PCBP3: variants seen among roughly 807,000 people sequenced by gnomAD.
PCBP3 encodes poly(rC)-binding protein 3.
A neutral mutation model predicts 52.7 loss-of-function variants in PCBP3; 25 were observed. The observed-to-expected ratio is 0.47, with a 90% CI of 0.35 to 0.66. The LOEUF (loss-of-function observed/expected upper bound fraction) is 0.66, where lower values mean the gene tolerates loss of function less well. Among genes scored for constraint, PCBP3 ranks in the 30% least tolerant of loss-of-function variants. PCBP3 has a pLI of 0.01. For missense variants in PCBP3, 391 were observed against 490.3 expected, an observed-to-expected ratio of 0.80 and a Z score of 1.91; for synonymous variants, 162 against 183.0, an observed-to-expected ratio of 0.89 and a Z score of 0.93.
chr21:45,811,381 T>G (rs1603440454), intron 4 of PCBP3, among the ~76,000 whole-genome samples: 1 of 152,384 alleles, frequency 6.6e-6, no homozygotes, highest in East Asian at 1.9e-4. Flanking sequence ...CATCTGCTCC[T>G]GAGTCCTCCT....
rs145539304 is a variant in PCBP3 at position 45,823,518 on chromosome 21, C to T, written c.-125-26443C>T. Among the ~76,000 whole-genome samples the T allele has an allele frequency of 2.0e-3, 300 of 152,162 alleles. 2 individuals are homozygous for T. The highest frequency in any genetic ancestry group is 7.1e-3 in the African/African-American group (295 of 41,502). On this transcript the variant is annotated intron_variant, in intron 4 of 17. Transcript: ENST00000681687. ...CATGTCCCGCAGAACCACGCGTGTC[C>T]GTTCTTCTGAGAGTTTTTTCCTGGT...
At chr21:45,727,813 G>T (rs891999508) in intron 2 of PCBP3, among the ~76,000 whole-genome samples, 12 of 152,192 alleles carry the variant, frequency 7.9e-5, no homozygotes, top group African/African-American at 2.9e-4. Context: ...CGCTGGGAGG[G>T]CAGTCCCTCC....
At chr21:45,835,475 C>T (rs886828920) in intron 4 of PCBP3, among the ~76,000 whole-genome samples, 2 of 152,212 alleles carry the variant, frequency 1.3e-5, no homozygotes, top group African/African-American at 4.8e-5. Flanking sequence ...TGGCCGCAGC[C>T]GGCACTGACC....
At chr21:45,923,658 A>T (rs759517083) in intron 13 of PCBP3, among the ~76,000 whole-genome samples, 23 of 152,254 alleles carry the variant, frequency 1.5e-4, no homozygotes, top group Admixed American at 2.6e-4. Flanking sequence ...AGCCCAGGGG[A>T]GACATGGAAT....
intron 5 of PCBP3, among the ~76,000 whole-genome samples, chr21:45,894,796 T>C (rs1314245730): frequency 6.6e-6 from 1 of 152,278 alleles, no homozygotes; most frequent in Admixed American, 6.5e-5. Context: ...AGCATTCTTA[T>C]GCAAGGGTGA....
At chr21:45,907,819 G>A (rs2096246323) in intron 9 of PCBP3, among the ~76,000 whole-genome samples, 1 of 151,514 alleles carries the variant, frequency 6.6e-6, no homozygotes, top group African/African-American at 2.4e-5. Flanking sequence ...AAAAGATAGA[G>A]GTAGAGTCGA....
In PCBP3 at chr21:45,736,564, C is replaced by T. The variant is rs1195556812; in HGVS notation, c.-162+1135C>T. On this transcript the variant is annotated intron_variant, in intron 3 of 17. Transcript: ENST00000681687. This position sits in a 1 kb window ranked among gnomAD's most constrained non-coding sequence, Gnocchi z 4.6. ...GGCATGGGGAGTTGGCAGGGGGAGGCCCTCGGAGAGATGGCATGGGGAGTT... is the reference window on the plus strand; with the variant it reads ...GGCATGGGGAGTTGGCAGGGGGAGGTCCTCGGAGAGATGGCATGGGGAGTT... Among the ~76,000 whole-genome samples, 2 of 151,550 alleles carry T rather than the reference C, an allele frequency of 1.3e-5. No individual in the cohort carries two copies. Among genetic ancestry groups the T allele is most frequent in the East Asian group, 3.9e-4 (2 of 5,156 alleles).
At chr21:45,786,477 G>A (rs1487643367) in intron 4 of PCBP3, among the ~76,000 whole-genome samples, 1 of 152,038 alleles carries the variant, frequency 6.6e-6, no homozygotes, top group Non-Finnish European at 1.5e-5. Flanking sequence ...TTTTAGTAGA[G>A]ATGGGGTTTC....
At chr21:45,713,572 T>C (rs1233035411) in intron 2 of PCBP3, among the ~76,000 whole-genome samples, 2 of 152,222 alleles carry the variant, frequency 1.3e-5, no homozygotes, top group Non-Finnish European at 2.9e-5. Flanking sequence ...ACTTTGCACA[T>C]GGTTATGCAT....
chr21:45,808,492 C>A (rs2092582716), intron 4 of PCBP3, among the ~76,000 whole-genome samples: 1 of 152,286 alleles, frequency 6.6e-6, no homozygotes, highest in Admixed American at 6.5e-5. Flanking sequence ...CAGTGAGATA[C>A]CATCTCACAT....
At chr21:45,941,573 G>T in intron 17 of PCBP3, 97 bp from the exon 18 acceptor site, 1 of 1,129,974 alleles carries the variant, frequency 8.8e-7, no homozygotes. Context: ...GCCTGTCCCA[G>T]CGAGCACAGA....
rs139223205 is a variant in PCBP3 at position 45,817,100 on chromosome 21, A to T, written c.-125-32861A>T. Among the ~76,000 whole-genome samples the T allele has an allele frequency of 1.1e-4, 16 of 152,162 alleles. No homozygotes were observed. Among genetic ancestry groups the T allele is most frequent in the Non-Finnish European group, 2.1e-4 (14 of 68,002 alleles). ...TGACTATATATGCTACGCTGTTAAG[A>T]ATTTGGGGTGTTGTGTTTGTTGTTT... On this transcript the variant is annotated intron_variant, in intron 4 of 17. Coordinates refer to ENST00000681687, the MANE Select transcript of PCBP3 (RefSeq NM_001384156.1). This position sits in a 1 kb window ranked among gnomAD's most constrained non-coding sequence, Gnocchi z 4.3.
At chr21:45,711,394 A>G (rs746582436) in intron 2 of PCBP3, among the ~76,000 whole-genome samples, 5 of 152,194 alleles carry the variant, frequency 3.3e-5, no homozygotes, top group Non-Finnish European at 7.3e-5. Context: ...TCATACTGAC[A>G]TTTGTAACTT....
intron 4 of PCBP3, among the ~76,000 whole-genome samples, chr21:45,839,978 C>T (rs980424840): frequency 2.6e-5 from 4 of 151,922 alleles, no homozygotes; most frequent in Non-Finnish European, 4.4e-5. Context: ...TGAGCCACCA[C>T]GCCTACCCCT....
At chr21:45,933,332 G>T (rs1185326779) in intron 15 of PCBP3, among the ~76,000 whole-genome samples, 1 of 152,276 alleles carries the variant, frequency 6.6e-6, no homozygotes, top group South Asian at 2.1e-4. Flanking sequence ...CATTGACCAT[G>T]CTGTCCTGAG....
chr21:45,660,148 CATATATATATGT>C (rs946819061), intron 1 of PCBP3, among the ~76,000 whole-genome samples: 1 of 151,566 alleles, frequency 6.6e-6, no homozygotes, highest in East Asian at 1.9e-4. Flanking sequence ...TACACACACA[CATATATATATGT>C]ATATATATGT....
intron 2 of PCBP3, among the ~76,000 whole-genome samples, chr21:45,685,008 C>T (rs992948204): frequency 2.6e-5 from 4 of 152,208 alleles, no homozygotes; most frequent in Non-Finnish European, 5.9e-5. Flanking sequence ...CAATGTATAT[C>T]CCTGTGACTG....
chr21:45,720,605 C>G (rs9984824), intron 2 of PCBP3, among the ~76,000 whole-genome samples: 144,577 of 152,366 alleles, frequency 0.95, 68,669 homozygotes, highest in East Asian at 1. Context: ...AAAGTATTCA[C>G]AAATACAATA....
Position 45,788,045 on chromosome 21 carries a change from CA to C in PCBP3, c.-126+32594del, listed in dbSNP as rs1218098152. On this transcript the variant is annotated intron_variant, in intron 4 of 17. Transcript: ENST00000681687. This position sits in a 1 kb window ranked among gnomAD's most constrained non-coding sequence, Gnocchi z 4.3. Reference sequence around the variant, plus strand: ...CAGTTGCAAGGTGGGCACCAGTTGTCAGGAGTTGACAGGAGGGCATAGCCAG... The same window carrying C: ...CAGTTGCAAGGTGGGCACCAGTTGTCGGAGTTGACAGGAGGGCATAGCCAG... Among the ~76,000 whole-genome samples the C allele has an allele frequency of 2.0e-5, 3 of 152,146 alleles. No homozygotes were observed. Among genetic ancestry groups the C allele is most frequent in the Admixed American group, 6.6e-5 (1 of 15,266 alleles).
Sources: allele counts gnomAD v4.1 joint callset (sites outside exome capture counted in the v4.1 genomes callset), GRCh38; gene constraint gnomAD v4.1.1; non-coding constraint Gnocchi (gnomAD v3.1); transcripts MANE v1.5; gene names NCBI Gene and HGNC (gene_info 2026-07-23, HGNC 2026-07-21).